The following STK10 variants were observed in gnomAD, a reference collection of about 807,000 sequenced individuals.
The protein encoded by STK10 is serine/threonine-protein kinase 10.
In STK10, 78 loss-of-function variants were observed where a neutral mutation model predicts 113.8. The ratio of observed to expected loss-of-function variants is 0.69; its 90% CI spans 0.57 to 0.83. The LOEUF (loss-of-function observed/expected upper bound fraction) is 0.83. Ranked by LOEUF, STK10 falls within the 40% of genes least tolerant of loss-of-function variation. STK10 has a pLI of 0.00. For missense variants in STK10, 1,109 were observed against 1,280.1 expected, an observed-to-expected ratio of 0.87 and a Z score of 2.04; for synonymous variants, 465 against 494.7, an observed-to-expected ratio of 0.94 and a Z score of 0.80.
intron 2 of STK10, among the ~76,000 whole-genome samples, chr5:172,150,281 G>A (rs1283970246): frequency 6.6e-6 from 1 of 151,688 alleles, no homozygotes; most frequent in Non-Finnish European, 1.5e-5. Flanking sequence ...AGGAGTTCAA[G>A]AACAGTCTGG....
At chr5:172,162,031 C>T (rs1335550931) in intron 1 of STK10, among the ~76,000 whole-genome samples, 1 of 152,152 alleles carries the variant, frequency 6.6e-6, no homozygotes, top group Non-Finnish European at 1.5e-5. Flanking sequence ...GGACTTCTCC[C>T]CTAAACTCAA....
At chr5:172,175,434 G>A (rs919099206) in intron 1 of STK10, among the ~76,000 whole-genome samples, 1 of 152,106 alleles carries the variant, frequency 6.6e-6, no homozygotes, top group Non-Finnish European at 1.5e-5. Flanking sequence ...CACCCTCCCT[G>A]CTCTGCTGAC....
intron 2 of STK10, among the ~76,000 whole-genome samples, chr5:172,128,939 C>T (rs1769686614): frequency 6.6e-6 from 1 of 152,212 alleles, no homozygotes. Context: ...CAGGAGCCTC[C>T]TGGCAATGTA....
intron 12 of STK10, among the ~76,000 whole-genome samples, chr5:172,077,456 T>C (rs1241829526): frequency 2.0e-5 from 3 of 152,212 alleles, no homozygotes; most frequent in Non-Finnish European, 4.4e-5. Flanking sequence ...TCATGGATGC[T>C]AGAGATTACT....
At position 172,163,029 on chromosome 5, in the gene STK10, C is replaced by A. The variant is rs182737814; in HGVS notation, c.157-6241G>T. Reference sequence around the variant, plus strand: ...GCCAGACAGAGGTTAGTAGGAACCACGGACCAAAAAGTGACTTGGCCAAAA... The same window carrying A: ...GCCAGACAGAGGTTAGTAGGAACCAAGGACCAAAAAGTGACTTGGCCAAAA... On this transcript the variant is annotated intron_variant, in intron 1 of 18. Coordinates refer to ENST00000176763, the MANE Select transcript of STK10 (RefSeq NM_005990.4). Among the ~76,000 whole-genome samples, 9 of 152,278 alleles carry A rather than the reference C, an allele frequency of 5.9e-5. No homozygotes were observed. In the East Asian group the frequency reaches 1.4e-3, roughly 23 times the overall value.
chr5:172,102,542 G>GC (rs1477907883), intron 7 of STK10, among the ~76,000 whole-genome samples: 5 of 152,150 alleles, frequency 3.3e-5, no homozygotes, highest in African/African-American at 1.2e-4. Flanking sequence ...ACACTAATGA[G>GC]CTGGGGCAAA....
chr5:172,068,884 C>CA (rs57550509), intron 12 of STK10, among the ~76,000 whole-genome samples: 34,733 of 126,036 alleles, frequency 0.28, 4,841 homozygotes, highest in Non-Finnish European at 0.36. Flanking sequence ...GACTCTGCCT[C>CA]AAAAAAAAAA....
intron 15 of STK10, among the ~76,000 whole-genome samples, chr5:172,056,284 A>G (rs1051927089): frequency 1.3e-5 from 2 of 152,150 alleles, no homozygotes; most frequent in East Asian, 1.9e-4. Context: ...CTGCATTTAG[A>G]TAAGAAACTG....
chr5:172,045,965 CA>C (rs1191165023), intron 18 of STK10, among the ~76,000 whole-genome samples: 2 of 151,446 alleles, frequency 1.3e-5, no homozygotes, highest in Non-Finnish European at 2.9e-5. Flanking sequence ...GCTTGGATTA[CA>C]GGCGTGAGCC....
chr5:172,070,092 A>G (rs1768142476), intron 12 of STK10, among the ~76,000 whole-genome samples: 1 of 152,104 alleles, frequency 6.6e-6, no homozygotes, highest in Admixed American at 6.6e-5. Flanking sequence ...TACTAAAAAT[A>G]CAAAAATTAG....
chr5:172,171,399 A>ACGTGAAAGG (rs1770662575), intron 1 of STK10, among the ~76,000 whole-genome samples: 2 of 152,138 alleles, frequency 1.3e-5, no homozygotes, highest in South Asian at 4.1e-4. Context: ...AATGAGTTAT[A>ACGTGAAAGG]CGTGAAAGGC....
At chr5:172,089,393 C>CATGGATGGATGGATGGATGG (rs5873300) in intron 10 of STK10, among the ~76,000 whole-genome samples, 6 of 132,998 alleles carry the variant, frequency 4.5e-5, no homozygotes, top group South Asian at 2.4e-4. Flanking sequence ...TTGGTGGATA[C>CATGGATGGATGGATGGATGG]ATGGATGGAT....
intron 18 of STK10, among the ~76,000 whole-genome samples, chr5:172,046,540 A>G (rs1039770839): frequency 1.3e-5 from 2 of 152,164 alleles, no homozygotes; most frequent in Admixed American, 6.5e-5. Context: ...AGGTTTCACA[A>G]CTAGTAATGG....
intron 18 of STK10, among the ~76,000 whole-genome samples, chr5:172,049,595 G>C (rs1273322558): frequency 6.6e-6 from 1 of 152,004 alleles, no homozygotes. Context: ...AACCCCTAGG[G>C]GGCCCAAAAC....
chr5:172,079,858 G>A (rs1330831979), intron 12 of STK10, among the ~76,000 whole-genome samples: 1 of 152,096 alleles, frequency 6.6e-6, no homozygotes, highest in Non-Finnish European at 1.5e-5. Context: ...CATGGCACCC[G>A]GCTGCATTAA....
chr5:172,125,201 G>T (rs7706703), intron 3 of STK10, among the ~76,000 whole-genome samples: 18,901 of 152,184 alleles, frequency 0.12, 1,187 homozygotes, highest in Non-Finnish European at 0.15. Flanking sequence ...ATCTGCATAT[G>T]CCCTAGTGAC....
intron 1 of STK10, among the ~76,000 whole-genome samples, chr5:172,157,711 C>A (rs1770380569): frequency 6.6e-6 from 1 of 152,034 alleles, no homozygotes. Context: ...CCTGCCTCAG[C>A]CTCCCGAGAA....
rs1767660958 is a variant in STK10 at position 172,052,920 on chromosome 5, TA to T, written c.2766+8del. 6.2e-7 allele frequency: 1 copy of T among 1,613,560 alleles called. No individual in the cohort carries two copies. Among genetic ancestry groups the T allele is most frequent in the Admixed American group, 1.7e-5 (1 of 59,998 alleles). On this transcript the variant is annotated splice_region_variant and intron_variant, in intron 18 of 18. Transcript: ENST00000176763. ...CCGAGACTGAGCCCACCAGCTCGGA[TA>T]AAGTTACCTTCTTGCGCGGCCGAAG...
intron 10 of STK10, among the ~76,000 whole-genome samples, chr5:172,085,305 T>C (rs1324040148): frequency 6.6e-6 from 1 of 152,012 alleles, no homozygotes; most frequent in African/African-American, 2.4e-5. Context: ...TATATTTATG[T>C]TGTCAGTGTA....
Sources: allele counts gnomAD v4.1 joint callset (sites outside exome capture counted in the v4.1 genomes callset), GRCh38; gene constraint gnomAD v4.1.1; transcripts MANE v1.5; gene names NCBI Gene and HGNC (gene_info 2026-07-23, HGNC 2026-07-21).